Variants in PEAK1 observed in about 807,000 individuals in gnomAD.
The protein encoded by PEAK1 is inactive tyrosine-protein kinase PEAK1.
PEAK1 carries 54 observed loss-of-function variants against 124.7 expected under a neutral mutation model. The ratio of observed to expected loss-of-function variants is 0.43; its 90% CI spans 0.35 to 0.54. PEAK1 has a LOEUF of 0.54. PEAK1 is among the 20% of genes least tolerant of loss of function. The pLI is 0.01. For missense variants in PEAK1, 2,046 were observed against 2,134.5 expected (o/e 0.96, Z 0.82); for synonymous variants, 719 against 760.0 (o/e 0.95, Z 0.89).
intron 6 of PEAK1, among the ~76,000 whole-genome samples, chr15:77,244,814 T>A (rs1000551367): frequency 8.5e-5 from 13 of 152,070 alleles, no homozygotes; most frequent in Admixed American, 2.0e-4. Flanking sequence ...GTCTCAAAAC[T>A]CCTGACCTCA....
intron 6 of PEAK1, among the ~76,000 whole-genome samples, chr15:77,206,424 C>G (rs1175773031): frequency 4.9e-4 from 72 of 146,158 alleles, no homozygotes; most frequent in Non-Finnish European, 9.0e-4. Context: ...AATGGTTGAA[C>G]TAGTTTACAG....
At chr15:77,313,399 T>C (rs1443485195) in intron 2 of PEAK1, among the ~76,000 whole-genome samples, 1 of 152,068 alleles carries the variant, frequency 6.6e-6, no homozygotes, top group Non-Finnish European at 1.5e-5. Flanking sequence ...ATCAAATAGT[T>C]TATTCACTTC....
intron 2 of PEAK1, among the ~76,000 whole-genome samples, chr15:77,320,713 GGTTA>G (rs1001199910): frequency 1.3e-4 from 20 of 152,092 alleles, no homozygotes; most frequent in African/African-American, 4.3e-4. Flanking sequence ...ACAACGTGCA[GGTTA>G]GTTACATATG....
intron 6 of PEAK1, among the ~76,000 whole-genome samples, chr15:77,226,072 T>TATATATATATA (rs2059654954): frequency 7.3e-6 from 1 of 137,220 alleles, no homozygotes. Context: ...TATATATATA[T>TATATATATATA]ATATATATAT....
chr15:77,320,806 C>A (rs974153506), intron 2 of PEAK1, among the ~76,000 whole-genome samples: 1 of 151,792 alleles, frequency 6.6e-6, no homozygotes, highest in African/African-American at 2.4e-5. Flanking sequence ...GCTATCCCTC[C>A]CCCGTCCCCC....
intron 1 of PEAK1, among the ~76,000 whole-genome samples, chr15:77,377,345 C>T (rs2069110060): frequency 6.6e-6 from 1 of 152,104 alleles, no homozygotes; most frequent in Admixed American, 6.5e-5. Flanking sequence ...GATTGAGCCA[C>T]TGCATTCCAG....
chr15:77,347,011 C>T (rs1191253012), intron 2 of PEAK1, among the ~76,000 whole-genome samples: 3 of 152,188 alleles, frequency 2.0e-5, no homozygotes, highest in Non-Finnish European at 2.9e-5. Context: ...GAAGAGGGGA[C>T]ATTTAAGCTG....
At chr15:77,282,938 T>C (rs1394569681) in intron 5 of PEAK1, among the ~76,000 whole-genome samples, 1 of 152,184 alleles carries the variant, frequency 6.6e-6, no homozygotes, top group Non-Finnish European at 1.5e-5. Flanking sequence ...AAAAAAAACC[T>C]TTGCATATGT....
chr15:77,308,786 T>C (rs574065028), intron 2 of PEAK1, among the ~76,000 whole-genome samples: 1 of 152,214 alleles, frequency 6.6e-6, no homozygotes, highest in South Asian at 2.1e-4. Context: ...AGGACTTTTC[T>C]TGGTCCTGTA....
chr15:77,201,414 A>G (rs2058360377), intron 6 of PEAK1, among the ~76,000 whole-genome samples: 1 of 151,042 alleles, frequency 6.6e-6, no homozygotes, highest in Non-Finnish European at 1.5e-5. Flanking sequence ...TTTTTTTTGT[A>G]TTTTTAGTAG....
chr15:77,193,321 AATTTG>A (rs1472174556), intron 6 of PEAK1, among the ~76,000 whole-genome samples: 1 of 152,214 alleles, frequency 6.6e-6, no homozygotes, highest in Non-Finnish European at 1.5e-5. Context: ...ACACAAATTT[AATTTG>A]ATCAGCTTAA....
intron 6 of PEAK1, among the ~76,000 whole-genome samples, chr15:77,248,953 C>T (rs914211588): frequency 6.6e-6 from 1 of 152,022 alleles, no homozygotes; most frequent in Non-Finnish European, 1.5e-5. Flanking sequence ...CTTCCCGAGT[C>T]ACTGTGCAGA....
At chr15:77,129,900 CTT>C (rs922831255) in intron 9 of PEAK1, among the ~76,000 whole-genome samples, 64 of 152,174 alleles carry the variant, frequency 4.2e-4, no homozygotes, top group African/African-American at 1.5e-3. Flanking sequence ...CTGTTAGTGT[CTT>C]TTGCTTATCT....
At chr15:77,265,548 G>A (rs1321179670) in intron 5 of PEAK1, among the ~76,000 whole-genome samples, 2 of 152,072 alleles carry the variant, frequency 1.3e-5, no homozygotes, top group East Asian at 1.9e-4. Flanking sequence ...AATCCAAACT[G>A]CAATGAGATA....
chr15:77,134,928 A>C (rs1236886376), intron 8 of PEAK1, among the ~76,000 whole-genome samples: 1 of 152,202 alleles, frequency 6.6e-6, no homozygotes, highest in Non-Finnish European at 1.5e-5. Context: ...AAGAAAAAAC[A>C]CCATGTAAAG....
At chr15:77,205,950 A>G (rs1363878539) in intron 6 of PEAK1, among the ~76,000 whole-genome samples, 1 of 137,362 alleles carries the variant, frequency 7.3e-6, no homozygotes, top group African/African-American at 2.7e-5. Flanking sequence ...AGCATTAGGT[A>G]TATCTCCCAA....
chr15:77,250,709 A>C (rs1036721058), intron 6 of PEAK1, among the ~76,000 whole-genome samples: 2 of 152,152 alleles, frequency 1.3e-5, no homozygotes, highest in African/African-American at 4.8e-5. Context: ...CTGGGATTAC[A>C]GGCGTATGCC....
At chr15:77,124,731 G>C (rs1186772936) in intron 9 of PEAK1, among the ~76,000 whole-genome samples, 1 of 152,110 alleles carries the variant, frequency 6.6e-6, no homozygotes, top group Non-Finnish European at 1.5e-5. Context: ...AAAATACTTA[G>C]TGGCTTCCCA....
At chr15:77,153,387 T>C (rs1043345992) in intron 8 of PEAK1, among the ~76,000 whole-genome samples, 4 of 152,228 alleles carry the variant, frequency 2.6e-5, no homozygotes, top group Non-Finnish European at 5.9e-5. Context: ...TCTTCTTTAT[T>C]AGTCTTGCTA....
Sources: allele counts gnomAD v4.1 joint callset (sites outside exome capture counted in the v4.1 genomes callset), GRCh38; gene constraint gnomAD v4.1.1; transcripts MANE v1.5; gene names NCBI Gene and HGNC (gene_info 2026-07-23, HGNC 2026-07-21).